The following PCDHA9 variants were observed in gnomAD, a reference collection of about 807,000 sequenced individuals.
PCDHA9 encodes protocadherin alpha 9, also known as protocadherin alpha-9.
PCDHA9 carries 62 observed loss-of-function variants against 62.0 expected under a neutral mutation model. The ratio of observed to expected loss-of-function variants is 1.00; its 90% confidence interval spans 0.81 to 1.23. PCDHA9 has a LOEUF of 1.23. Ranked by LOEUF, PCDHA9 falls within the 50% of genes most tolerant of loss-of-function variation. PCDHA9 has a pLI of 0.00. For synonymous variants in PCDHA9, 557 were observed against 567.6 expected (o/e 0.98, Z 0.27); for missense variants, 1,205 against 1,249.8 (o/e 0.96, Z 0.54).
chr5:140,856,851 C>T (rs140022509), intron 1 of PCDHA9: 4 of 1,593,160 alleles, frequency 2.5e-6, no homozygotes, highest in Admixed American at 1.7e-5. Context: ...GCTTCTGATT[C>T]GGATGAAGGA....
At chr5:140,883,760 C>A in intron 1 of PCDHA9, 1 of 1,612,790 alleles carries the variant, frequency 6.2e-7, no homozygotes, top group Non-Finnish European at 8.5e-7. Flanking sequence ...GGTGGAGCGG[C>A]GGGTGGGCGA....
At chr5:140,916,472 G>A (rs2077581791) in intron 1 of PCDHA9, among the ~76,000 whole-genome samples, 1 of 152,192 alleles carries the variant, frequency 6.6e-6, no homozygotes, top group Non-Finnish European at 1.5e-5. Context: ...TGGTTATTTG[G>A]TGCCCAAGGG....
chr5:141,010,470 G>A lies in PCDHA9; in HGVS notation c.*533G>A. ...ACAGCGGAAGTTATCAGTATGGAGG[G>A]GAAGTGTAAACTTAAAGGGACCAGA... On this transcript the variant is annotated 3_prime_UTR_variant, in exon 4 of 4. Transcript: ENST00000532602. The A allele has an allele frequency of 2.6e-6, 2 of 780,290 alleles. No homozygotes were observed. The highest frequency in any genetic ancestry group is 3.0e-5 in the East Asian group (1 of 33,872). 48.3% of individuals were successfully genotyped at this position (780,290 alleles called of 1,614,324 possible).
At chr5:140,965,853 A>G (rs1554227879) in intron 1 of PCDHA9, among the ~76,000 whole-genome samples, 2 of 152,220 alleles carry the variant, frequency 1.3e-5, no homozygotes, top group Non-Finnish European at 2.9e-5. Flanking sequence ...CAAGGCACAC[A>G]CTGAAAATAA....
intron 1 of PCDHA9, chr5:140,929,229 C>T: frequency 6.2e-7 from 1 of 1,613,880 alleles, no homozygotes; most frequent in South Asian, 1.1e-5. Context: ...ATGCTGCCGA[C>T]CTGCGAAATC....
chr5:141,007,481 T>C (rs2098332347), intron 3 of PCDHA9, among the ~76,000 whole-genome samples: 1 of 151,600 alleles, frequency 6.6e-6, no homozygotes, highest in Non-Finnish European at 1.5e-5. Context: ...GGCACGAGAA[T>C]TACTTGGACC....
Position 140,876,936 on chromosome 5 carries a change from G to C in PCDHA9, c.2394+26047G>C, listed in dbSNP as rs567563243. On this transcript the variant is annotated intron_variant, in intron 1 of 3. Transcript: ENST00000532602. ...GGGACGCGGACGCGCAGAAGAACGCGCTGGTGTCCTACTCGCTGGTGGAGC... is the reference window on the plus strand; with the variant it reads ...GGGACGCGGACGCGCAGAAGAACGCCCTGGTGTCCTACTCGCTGGTGGAGC... 190 of 1,613,730 alleles carry C rather than the reference G, an allele frequency of 1.2e-4. 1 individual carries two copies. The highest frequency in any genetic ancestry group is 1.5e-4 in the South Asian group (14 of 91,062).
chr5:140,903,902 A>G lies in PCDHA9; in HGVS notation c.2394+53013A>G, dbSNP rs548056424. Among the ~76,000 whole-genome samples the G allele has an allele frequency of 5.9e-5, 9 of 152,370 alleles. No individual in the cohort carries two copies. The South Asian group carries it at 1.9e-3, about 32-fold the overall frequency. On this transcript the variant is annotated intron_variant, in intron 1 of 3. Transcript: ENST00000532602. ...ACATTGAATCTTGACCTGTTTGTCA[A>G]TGATGTGACTTCCTTGCTGCATTGG...
Position 140,941,322 on chromosome 5 carries a change from T to C in PCDHA9, c.2395-37627T>C, listed in dbSNP as rs1340835610. Among the ~76,000 whole-genome samples the C allele has an allele frequency of 3.4e-5, 5 of 145,550 alleles. No individual in the cohort carries two copies. The East Asian group carries it at 6.0e-4, about 17-fold the overall frequency. The stretch of plus-strand genomic sequence containing the variant: ...TTTCTTTCTTTTTCTTCTTTCTCTT[T>C]TTTTTTTTTTTTCAGATGGAGTCTT... On this transcript the variant is annotated intron_variant, in intron 1 of 3. Coordinates refer to ENST00000532602, the MANE Select transcript of PCDHA9 (RefSeq NM_031857.2).
rs527332783 is a variant in PCDHA9, at chr5:140,855,952, A to G, written c.2394+5063A>G. Reference sequence around the variant, plus strand: ...TCATTCTGAGATCTCAGCCATTTCGATAAAAAATAGATATAAGAAATAGGA... The same window carrying G: ...TCATTCTGAGATCTCAGCCATTTCGGTAAAAAATAGATATAAGAAATAGGA... On this transcript the variant is annotated intron_variant, in intron 1 of 3. Transcript: ENST00000532602. The G allele has an allele frequency of 2.9e-6, 4 of 1,380,786 alleles. No individual in the cohort carries two copies. The African/African-American group carries it at 5.8e-5, about 20-fold the overall frequency. The allele number at this position is 1,380,786 out of a possible 1,614,324, so 85.5% of individuals were successfully genotyped here.
At chr5:140,937,370 TTATG>T (rs2091504322) in intron 1 of PCDHA9, among the ~76,000 whole-genome samples, 1 of 152,120 alleles carries the variant, frequency 6.6e-6, no homozygotes, top group South Asian at 2.1e-4. Flanking sequence ...ATCTTAATGT[TTATG>T]TGTGTGTATG....
chr5:140,967,774 G>C (rs1447955993), intron 1 of PCDHA9: 3 of 1,614,106 alleles, frequency 1.9e-6, no homozygotes, highest in Non-Finnish European at 1.7e-6. Context: ...TCTATGTGCA[G>C]GCGACTGACC....
rs139607260 is a variant in PCDHA9, at chr5:140,954,243, A to C, written c.2395-24706A>C. ...TATTGTGAATAGTGCTGCAATGAAC[A>C]TACACATGCAGGTATCTTTATAATA... On this transcript the variant is annotated intron_variant, in intron 1 of 3. Transcript: ENST00000532602. Among the ~76,000 whole-genome samples the C allele has an allele frequency of 3.2e-4, 49 of 152,350 alleles. No individual in the cohort carries two copies. In the East Asian group the frequency reaches 9.1e-3, roughly 28 times the overall value.
At chr5:140,964,841 T>G (rs2095857355) in intron 1 of PCDHA9, among the ~76,000 whole-genome samples, 2 of 152,190 alleles carry the variant, frequency 1.3e-5, no homozygotes, top group Non-Finnish European at 2.9e-5. Context: ...CTTCCTACTC[T>G]GTACCCTTGA....
chr5:140,984,981 A>G (rs2097130201), intron 3 of PCDHA9, among the ~76,000 whole-genome samples: 1 of 151,972 alleles, frequency 6.6e-6, no homozygotes, highest in South Asian at 2.1e-4. Flanking sequence ...TCTGTCCCCC[A>G]GGCTGGAGTC....
chr5:140,873,211 T>C (rs560514188), intron 1 of PCDHA9, among the ~76,000 whole-genome samples: 2 of 152,272 alleles, frequency 1.3e-5, no homozygotes, highest in Admixed American at 6.5e-5. Flanking sequence ...TCTTTAAGTA[T>C]TAAAGAGAAG....
intron 1 of PCDHA9, chr5:140,927,351 G>A (rs782202644): frequency 1.4e-5 from 23 of 1,614,054 alleles, no homozygotes; most frequent in Non-Finnish European, 1.9e-5. Flanking sequence ...ATGACGACGA[G>A]GGAAGCAATG....
intron 1 of PCDHA9, chr5:140,877,407 C>A: frequency 6.2e-7 from 1 of 1,613,942 alleles, no homozygotes; most frequent in Non-Finnish European, 8.5e-7. Flanking sequence ...CTCCGCGCCA[C>A]CGCCTGCTGG....
chr5:140,899,127 C>T (rs1487430888), intron 1 of PCDHA9, among the ~76,000 whole-genome samples: 16 of 152,302 alleles, frequency 1.1e-4, no homozygotes, highest in African/African-American at 3.9e-4. Context: ...ACAATCATGT[C>T]TTCTGCAAAC....
Sources: allele counts gnomAD v4.1 joint callset (sites outside exome capture counted in the v4.1 genomes callset), GRCh38; gene constraint gnomAD v4.1.1; transcripts MANE v1.5; gene names NCBI Gene and HGNC (gene_info 2026-07-23, HGNC 2026-07-21).